The following BACH2 variants were observed in gnomAD, a reference collection of about 807,000 sequenced individuals.
BACH2 encodes the protein transcription regulator protein BACH2.
A neutral mutation model predicts 61.8 loss-of-function variants in BACH2; 5 were observed. The observed-to-expected ratio is 0.08, with a 90% CI of 0.04 to 0.17. The LOEUF is 0.17. Ranked by LOEUF, BACH2 falls within the 10% of genes least tolerant of loss-of-function variation. The pLI, the probability that BACH2 is intolerant of heterozygous loss-of-function variation, is 1.00. For missense variants in BACH2, 824 were observed against 1,091.1 expected, an observed-to-expected ratio of 0.76 and a Z score of 3.45; for synonymous variants, 446 against 440.1, an observed-to-expected ratio of 1.01 and a Z score of -0.17.
At chr6:90,211,273 T>C (rs954408184) in intron 3 of BACH2, among the ~76,000 whole-genome samples, 5 of 151,772 alleles carry the variant, frequency 3.3e-5, no homozygotes, top group Admixed American at 2.6e-4. Flanking sequence ...TTTGGTAACA[T>C]GGCCAAGTGC....
intron 4 of BACH2, among the ~76,000 whole-genome samples, chr6:90,163,777 T>A (rs1582437144): frequency 6.6e-6 from 1 of 152,192 alleles, no homozygotes; most frequent in African/African-American, 2.4e-5. Context: ...TAGAAATATT[T>A]CTAAAATGTA....
At chr6:90,080,849 T>G in intron 5 of BACH2, 1 of 867,454 alleles carries the variant, frequency 1.2e-6, no homozygotes, top group Non-Finnish European at 1.4e-6. Flanking sequence ...ACCGTCTTCA[T>G]GCGCGGTACT....
intron 5 of BACH2, among the ~76,000 whole-genome samples, chr6:90,067,911 T>C (rs1157725466): frequency 6.6e-6 from 1 of 152,146 alleles, no homozygotes; most frequent in East Asian, 1.9e-4. Context: ...AGATGCTCAA[T>C]GTTTATTAAA....
At chr6:90,156,995 A>C (rs1293576093) in intron 4 of BACH2, among the ~76,000 whole-genome samples, 7 of 152,230 alleles carry the variant, frequency 4.6e-5, no homozygotes, top group African/African-American at 1.4e-4. Context: ...GAATCAGCTC[A>C]CGTCTGACAA....
At chr6:90,282,682 T>C (rs567254153) in intron 1 of BACH2, among the ~76,000 whole-genome samples, 1 of 152,246 alleles carries the variant, frequency 6.6e-6, no homozygotes, top group African/African-American at 2.4e-5. Context: ...AACTGCTGGG[T>C]TGAATGGTAT....
At chr6:89,947,928 C>T (rs537749189) in intron 7 of BACH2, among the ~76,000 whole-genome samples, 1 of 152,154 alleles carries the variant, frequency 6.6e-6, no homozygotes, top group East Asian at 1.9e-4. Context: ...CGGTATTTCT[C>T]AAGGGGGGAA....
At chr6:90,136,214 C>T (rs750765759) in intron 4 of BACH2, among the ~76,000 whole-genome samples, 1 of 152,182 alleles carries the variant, frequency 6.6e-6, no homozygotes, top group Non-Finnish European at 1.5e-5. Flanking sequence ...TCCAGAGATA[C>T]CTACATAATT....
rs1167416651 is a variant in BACH2, at chr6:90,274,576, C to G, written c.-445-2635G>C. Among the ~76,000 whole-genome samples, 2 of 152,154 alleles carry G rather than the reference C, an allele frequency of 1.3e-5. 1 individual carries two copies. The highest frequency in any genetic ancestry group is 2.9e-5 in the Non-Finnish European group (2 of 68,038). Reference sequence around the variant, plus strand: ...TGCTGTACCTTTATCACAGCCGCCCCCACCTGACCACCTGTAGCAGCCTCA... The same window carrying G: ...TGCTGTACCTTTATCACAGCCGCCCGCACCTGACCACCTGTAGCAGCCTCA... On this transcript the variant is annotated intron_variant, in intron 1 of 8. Transcript: ENST00000257749.
chr6:90,109,647 T>C (rs966110624), intron 4 of BACH2, among the ~76,000 whole-genome samples: 3 of 152,154 alleles, frequency 2.0e-5, no homozygotes, highest in Non-Finnish European at 4.4e-5. Context: ...AAAAAACAAT[T>C]ATTGTTTCCA....
chr6:90,130,706 C>T (rs1784048963), intron 4 of BACH2, among the ~76,000 whole-genome samples: 1 of 152,226 alleles, frequency 6.6e-6, no homozygotes, highest in Non-Finnish European at 1.5e-5. Context: ...CCCCCTGCTT[C>T]ACCATGGGAC....
rs1773200726 is a variant in BACH2, at chr6:89,938,904, T to A, written c.1837-554A>T. On this transcript the variant is annotated intron_variant, in intron 7 of 8. Transcript: ENST00000257749. ...AGGAGTCAAAAGAACCGGGCTTTCATCCTTCTCACCAGACATGAGACCTCA... is the reference window on the plus strand; with the variant it reads ...AGGAGTCAAAAGAACCGGGCTTTCAACCTTCTCACCAGACATGAGACCTCA... 2.0e-5 allele frequency among the ~76,000 whole-genome samples: 3 copies of A among 152,210 alleles called. No individual in the cohort carries two copies. In the South Asian group the frequency reaches 6.2e-4, roughly 32 times the overall value.
At chr6:90,036,409 G>A (rs1315550669) in intron 5 of BACH2, among the ~76,000 whole-genome samples, 2 of 152,108 alleles carry the variant, frequency 1.3e-5, no homozygotes, top group Non-Finnish European at 2.9e-5. Context: ...AAAATGGCAA[G>A]TGGACTTTGG....
intron 6 of BACH2, among the ~76,000 whole-genome samples, chr6:90,001,956 A>G (rs1385925866): frequency 6.6e-6 from 1 of 152,200 alleles, no homozygotes; most frequent in Middle Eastern, 3.4e-3. Flanking sequence ...GTTCCCTTTC[A>G]CTCAAAAAGC....
intron 4 of BACH2, among the ~76,000 whole-genome samples, chr6:90,126,548 T>C (rs932513084): frequency 6.6e-6 from 1 of 152,200 alleles, no homozygotes; most frequent in African/African-American, 2.4e-5. Context: ...TAGAGCTACA[T>C]GAAGTGTCAA....
chr6:90,009,425 G>A (rs1777587934), intron 5 of BACH2, among the ~76,000 whole-genome samples: 1 of 152,218 alleles, frequency 6.6e-6, no homozygotes, highest in South Asian at 2.1e-4. Flanking sequence ...ACTCAGTAGA[G>A]TCAGCTATTG....
intron 4 of BACH2, among the ~76,000 whole-genome samples, chr6:90,099,949 A>G (rs1782544519): frequency 6.6e-6 from 1 of 150,426 alleles, no homozygotes; most frequent in Non-Finnish European, 1.5e-5. Context: ...TTCCCCTTCA[A>G]CCCTTGGCAA....
chr6:90,136,915 G>C (rs1429743725), intron 4 of BACH2, among the ~76,000 whole-genome samples: 1 of 151,702 alleles, frequency 6.6e-6, no homozygotes, highest in Non-Finnish European at 1.5e-5. Flanking sequence ...TTGGACTTAT[G>C]TGAAGAAGCT....
chr6:90,013,428 AG>A (rs920454043), intron 5 of BACH2, among the ~76,000 whole-genome samples: 7 of 151,412 alleles, frequency 4.6e-5, no homozygotes, highest in African/African-American at 1.7e-4. Flanking sequence ...GAGCTGAGGA[AG>A]TTTTATTTCT....
At chr6:90,272,423 C>G (rs879669239) in intron 1 of BACH2, among the ~76,000 whole-genome samples, 2 of 152,068 alleles carry the variant, frequency 1.3e-5, no homozygotes, top group Non-Finnish European at 2.9e-5. Flanking sequence ...CACATCAATT[C>G]TCTCCTTGCA....
Sources: gnomAD v4.1 joint callset for allele counts (sites outside exome capture counted in the v4.1 genomes callset) on GRCh38, gnomAD v4.1.1 for gene constraint, MANE v1.5 for transcripts, NCBI Gene and HGNC (gene_info 2026-07-23, HGNC 2026-07-21) for gene names.